Variants in SIPA1L1 observed in about 807,000 individuals in gnomAD.
SIPA1L1 encodes the protein signal-induced proliferation-associated 1-like protein 1.
Under a neutral mutation model 162.7 loss-of-function variants are expected in SIPA1L1, and 26 were observed. The ratio of observed to expected loss-of-function variants is 0.16; its 90% confidence interval spans 0.12 to 0.22. SIPA1L1 has a LOEUF of 0.22. Ranked by LOEUF, SIPA1L1 falls within the 10% of genes least tolerant of loss-of-function variation. The probability of loss-of-function intolerance (pLI) is 1.00; values close to 1 mark genes in which losing one functional copy is unlikely to be tolerated. For synonymous variants in SIPA1L1, 829 were observed against 837.4 expected (o/e 0.99, Z 0.17); for missense variants, 1,874 against 2,241.0 (o/e 0.84, Z 3.31).
intron 2 of SIPA1L1, among the ~76,000 whole-genome samples, chr14:71,501,236 G>T (rs574945463): frequency 2.0e-5 from 3 of 152,012 alleles, no homozygotes; most frequent in Admixed American, 2.0e-4. Context: ...TGGGAGGATC[G>T]CTTGAGCCCA....
At chr14:71,528,784 T>G (rs1485536398) in intron 3 of SIPA1L1, 1 of 152,198 alleles carries the variant, frequency 6.6e-6, no homozygotes, top group African/African-American at 2.4e-5. Flanking sequence ...TCTACAAAGA[T>G]GCATGTGACC....
chr14:71,588,640 T>G lies in SIPA1L1; in HGVS notation c.768T>G (p.Gly256=), dbSNP rs775605424. Residue 256 remains glycine, a synonymous_variant, in exon 5 of 24, where the codon GGT becomes GGG. Transcript: ENST00000381232. This position sits in a 1 kb window ranked among gnomAD's most constrained non-coding sequence, Gnocchi z 4.3. ...TTACTGGTGGTGGCAAGGGTTCTGG[T>G]TTCTCTTTGGATGTAATAGACGGGC... ...FLITGGGKGS[G]FSLDVIDGPI... 1.2e-6 allele frequency: 2 copies of G among 1,614,058 alleles called. No homozygotes were observed. Among genetic ancestry groups the G allele is most frequent in the Non-Finnish European group, 1.7e-6 (2 of 1,179,978 alleles).
At chr14:71,674,111 G>A (rs912282193) in intron 12 of SIPA1L1, among the ~76,000 whole-genome samples, 7 of 152,192 alleles carry the variant, frequency 4.6e-5, no homozygotes, top group Non-Finnish European at 1.0e-4. Context: ...TTTGTAAATT[G>A]TCAACCTTAA....
intron 2 of SIPA1L1, among the ~76,000 whole-genome samples, chr14:71,502,599 T>C (rs966948051): frequency 7.9e-5 from 12 of 152,104 alleles, no homozygotes; most frequent in African/African-American, 2.9e-4. Flanking sequence ...GCTATTAGGG[T>C]AGAGTATGTT....
intron 2 of SIPA1L1, among the ~76,000 whole-genome samples, chr14:71,463,915 A>G (rs1363752216): frequency 1.3e-5 from 2 of 152,188 alleles, no homozygotes; most frequent in Admixed American, 1.3e-4. Context: ...TGTGGTAGCT[A>G]TGCCCACTTG....
At chr14:71,464,320 T>A (rs2046822029) in intron 2 of SIPA1L1, among the ~76,000 whole-genome samples, 1 of 152,104 alleles carries the variant, frequency 6.6e-6, no homozygotes, top group Non-Finnish European at 1.5e-5. Context: ...TATTAGAACC[T>A]TTCTTAACTC....
intron 13 of SIPA1L1, among the ~76,000 whole-genome samples, chr14:71,689,893 A>G (rs1377185642): frequency 6.6e-6 from 1 of 152,194 alleles, no homozygotes; most frequent in Non-Finnish European, 1.5e-5. Flanking sequence ...AATATGGTGG[A>G]AACAAACTTA....
intron 5 of SIPA1L1, among the ~76,000 whole-genome samples, chr14:71,599,430 G>A (rs2036463551): frequency 6.7e-6 from 1 of 149,942 alleles, no homozygotes; most frequent in Non-Finnish European, 1.5e-5. Flanking sequence ...GAGATTACAG[G>A]CATGAGCCAC....
At chr14:71,574,173 G>A in intron 4 of SIPA1L1, 1 of 177,332 alleles carries the variant, frequency 5.6e-6, no homozygotes, top group South Asian at 1.1e-4. Context: ...GGTAGGGGTG[G>A]GAGTGGAAGG....
rs556871092 is a variant in SIPA1L1, at chr14:71,592,445, A to G, written c.1498+3075A>G. ...TTCACTGAAATTAGCAGACTAACTC[A>G]TTTTTCCTAATCAGAACCTTAAAGC... On this transcript the variant is annotated intron_variant, in intron 5 of 23. Transcript: ENST00000381232. 2.0e-5 allele frequency among the ~76,000 whole-genome samples: 3 copies of G among 152,320 alleles called. No individual in the cohort carries two copies. The South Asian group carries it at 6.2e-4, about 32-fold the overall frequency.
At chr14:71,735,831 T>C (rs2085237408) in intron 22 of SIPA1L1, among the ~76,000 whole-genome samples, 1 of 152,186 alleles carries the variant, frequency 6.6e-6, no homozygotes, top group Non-Finnish European at 1.5e-5. Flanking sequence ...GTTGGAAAGC[T>C]AAATCACCAG....
At chr14:71,674,885 C>G (rs1371928141) in intron 12 of SIPA1L1, among the ~76,000 whole-genome samples, 3 of 152,054 alleles carry the variant, frequency 2.0e-5, no homozygotes, top group Non-Finnish European at 4.4e-5. Flanking sequence ...TTAAAAGAAA[C>G]CGGGACTCAA....
At chr14:71,698,783 C>G (rs2149782877) in intron 13 of SIPA1L1, among the ~76,000 whole-genome samples, 198 bp from the exon 14 acceptor site, 1 of 151,600 alleles carries the variant, frequency 6.6e-6, no homozygotes, top group East Asian at 1.9e-4. Context: ...CCCACCCCCT[C>G]CAAGGCAGTT....
rs555941701 is a variant in SIPA1L1 at position 71,635,188 on chromosome 14, A to G, written c.1818+10952A>G. 5.8e-4 allele frequency among the ~76,000 whole-genome samples: 89 copies of G among 152,172 alleles called. 1 individual carries two copies. The highest frequency in any genetic ancestry group is 2.0e-3 in the African/African-American group (82 of 41,514). ...CAGGTACTCGGGAGGCTGAGGCAAG[A>G]TAATCACTTGAACCCAGGAGGTGGA... On this transcript the variant is annotated intron_variant, in intron 7 of 23. Coordinates refer to ENST00000381232, the MANE Select transcript of SIPA1L1 (RefSeq NM_001386936.1).
intron 2 of SIPA1L1, among the ~76,000 whole-genome samples, chr14:71,404,986 C>T (rs1369467279): frequency 1.3e-5 from 2 of 152,138 alleles, no homozygotes; most frequent in Non-Finnish European, 2.9e-5. Flanking sequence ...CAATTTTAAG[C>T]TCTAGGCATT....
At chr14:71,673,520 G>T (rs1419797776) in intron 12 of SIPA1L1, among the ~76,000 whole-genome samples, 1 of 152,170 alleles carries the variant, frequency 6.6e-6, no homozygotes, top group Non-Finnish European at 1.5e-5. Flanking sequence ...GTGAATATCA[G>T]ATGGTAGAAA....
chr14:71,731,707 T>C (rs940098175), intron 20 of SIPA1L1, among the ~76,000 whole-genome samples: 2 of 152,254 alleles, frequency 1.3e-5, no homozygotes, highest in African/African-American at 4.8e-5. Context: ...CCCAGAAATC[T>C]GTGTCCCACA....
chr14:71,361,367 G>T (rs2037797459), intron 2 of SIPA1L1, among the ~76,000 whole-genome samples: 2 of 152,058 alleles, frequency 1.3e-5, no homozygotes, highest in African/African-American at 2.4e-5. Flanking sequence ...CAAGCTTATG[G>T]TCTGTATTTG....
chr14:71,589,806 A>G (rs1456034481), intron 5 of SIPA1L1, among the ~76,000 whole-genome samples: 3 of 151,962 alleles, frequency 2.0e-5, no homozygotes, highest in Non-Finnish European at 4.4e-5. Context: ...TGCTGCTTCA[A>G]TGTTGTCATC....
Sources: gnomAD v4.1 joint callset for allele counts (sites outside exome capture counted in the v4.1 genomes callset) on GRCh38, gnomAD v4.1.1 for gene constraint, Gnocchi (gnomAD v3.1) non-coding constraint, MANE v1.5 for transcripts, NCBI Gene and HGNC (gene_info 2026-07-23, HGNC 2026-07-21) for gene names.